CLIP1: variants seen among roughly 807,000 people sequenced by gnomAD.
CLIP1 encodes the protein CAP-Gly domain-containing linker protein 1.
A neutral mutation model predicts 161.6 loss-of-function variants in CLIP1; 66 were observed. The observed-to-expected ratio is 0.41, with a 90% CI of 0.33 to 0.50. The LOEUF is 0.50. CLIP1 is among the 20% of genes least tolerant of loss of function. The pLI, the probability that CLIP1 is intolerant of heterozygous loss-of-function variation, is 0.27. For synonymous variants in CLIP1, 598 were observed against 626.2 expected (o/e 0.96, Z 0.67); for missense variants, 1,376 against 1,702.0 (o/e 0.81, Z 3.37).
At chr12:122,342,189 G>A (rs140494724) in intron 10 of CLIP1, 1 of 152,278 alleles carries the variant, frequency 6.6e-6, no homozygotes, top group East Asian at 1.9e-4. Context: ...TGTGATAATG[G>A]CTTAAGTCCA....
Position 122,327,968 on chromosome 12 carries a change from T to C in CLIP1, c.3228A>G (p.Arg1076=), listed in dbSNP as rs1951772315. 6.2e-7 allele frequency: 1 copy of C among 1,614,024 alleles called. No homozygotes were observed. The highest frequency in any genetic ancestry group is 8.5e-7 in the Non-Finnish European group (1 of 1,180,032). ...GTACTTTGGCTTTGTCGGCTTGCTT[T>C]CTCAGCTCCTCCAGCTCCTGCAGCA... is the stretch of plus-strand genomic sequence containing the variant. ...SGLLQELEEL[R]KQADKAKAAQ... Residue 1076 remains arginine, a synonymous_variant, in exon 17 of 26, where the codon AGA becomes AGG. Transcript: ENST00000620786.
At chr12:122,379,207 C>G (rs1363200541) in intron 2 of CLIP1, among the ~76,000 whole-genome samples, 1 of 151,734 alleles carries the variant, frequency 6.6e-6, no homozygotes, top group African/African-American at 2.4e-5. Context: ...ACTCTGGAGG[C>G]TGAGGCAGGA....
At chr12:122,376,343 G>A (rs932954401) in intron 3 of CLIP1, among the ~76,000 whole-genome samples, 5 of 152,116 alleles carry the variant, frequency 3.3e-5, no homozygotes, top group Non-Finnish European at 5.9e-5. Flanking sequence ...GTAAGCCACC[G>A]TACCTAGCCA....
intron 3 of CLIP1, among the ~76,000 whole-genome samples, chr12:122,375,213 A>ACCTTACACC (rs1954658702): frequency 6.6e-6 from 1 of 151,958 alleles, no homozygotes; most frequent in Non-Finnish European, 1.5e-5. Flanking sequence ...GAGCATGTAG[A>ACCTTACACC]CCTTACACCT....
Position 122,279,018 on chromosome 12 carries a change from G to T in CLIP1, c.3765+10C>A. The T allele has an allele frequency of 6.2e-7, 1 of 1,610,420 alleles. No individual in the cohort carries two copies. On this transcript the variant is annotated intron_variant, in intron 22 of 25. Coordinates refer to ENST00000620786, the MANE Select transcript of CLIP1 (RefSeq NM_001247997.2). The surrounding 1 kb of genome is among the most constrained non-coding windows in gnomAD (Gnocchi z 4.5). ...GCGTGAAAGCTCGTGCACCCTGGGT[G>T]GTACTCTACCTCATTTCTCAGTTTC... is the stretch of plus-strand genomic sequence containing the variant.
intron 1 of CLIP1, among the ~76,000 whole-genome samples, chr12:122,415,870 G>A (rs978378416): frequency 2.6e-5 from 4 of 151,974 alleles, no homozygotes; most frequent in South Asian, 2.1e-4. Context: ...TAAAAAGGAC[G>A]GCTTTGTTAC....
chr12:122,339,150 G>C (rs760960888), intron 11 of CLIP1, among the ~76,000 whole-genome samples: 2 of 152,092 alleles, frequency 1.3e-5, no homozygotes, highest in African/African-American at 2.4e-5. Context: ...TGCAGCTGGC[G>C]AATGTTTCAC....
intron 20 of CLIP1, among the ~76,000 whole-genome samples, chr12:122,289,960 C>A (rs756437999): frequency 1.3e-5 from 2 of 152,126 alleles, no homozygotes; most frequent in African/African-American, 2.4e-5. Flanking sequence ...AGGTGCCTAC[C>A]ACCATGCCCA....
chr12:122,274,201 T>C, intron 24 of CLIP1, 39 bp from the exon 25 acceptor site: 1 of 1,537,018 alleles, frequency 6.5e-7, no homozygotes, highest in Non-Finnish European at 9.0e-7. Context: ...ATGTCAAGAA[T>C]ATATATAAGC....
chr12:122,389,030 T>C (rs955010916), intron 1 of CLIP1, among the ~76,000 whole-genome samples: 3 of 152,052 alleles, frequency 2.0e-5, no homozygotes, highest in African/African-American at 7.2e-5. Flanking sequence ...AGGCTGGGGG[T>C]CCCCTTTGCT....
intron 1 of CLIP1, among the ~76,000 whole-genome samples, chr12:122,410,829 G>A (rs1407673826): frequency 6.6e-6 from 1 of 151,998 alleles, no homozygotes; most frequent in Non-Finnish European, 1.5e-5. Context: ...CTATACAAAC[G>A]GCCAATAAGC....
rs116084424 is a variant in CLIP1, at chr12:122,404,042, G to A, written c.-107+18479C>T. ...GCATGCACTCCAAGGTAGAATACCC[G>A]GTAAGCGCATGAGTGAGCGGTCTAC... On this transcript the variant is annotated intron_variant, in intron 1 of 25. Transcript: ENST00000620786. Among the ~76,000 whole-genome samples the A allele has an allele frequency of 1.8e-3, 276 of 152,298 alleles. 1 individual carries two copies. The highest frequency in any genetic ancestry group is 6.3e-3 in the African/African-American group (263 of 41,564).
chr12:122,394,670 G>A (rs1955833007), intron 1 of CLIP1, among the ~76,000 whole-genome samples: 2 of 151,330 alleles, frequency 1.3e-5, no homozygotes, highest in African/African-American at 2.4e-5. Flanking sequence ...GACGGATCAC[G>A]AGATCAGGAG....
At chr12:122,354,385 ACT>A in intron 7 of CLIP1, 66 bp downstream of exon 7, 2 of 1,183,744 alleles carry the variant, frequency 1.7e-6, no homozygotes, top group Admixed American at 1.7e-5. Flanking sequence ...ACAGAGCTAG[ACT>A]CTGTCTCAAA....
Position 122,364,168 on chromosome 12 carries a change from G to A in CLIP1, c.658-61C>T. ...ATCACTCTATAGCTTAATCGTTTGT[G>A]GTCCCTACTAGTAACTAGGTACTAC... On this transcript the variant is annotated intron_variant, in intron 3 of 25. Transcript: ENST00000620786. 2.5e-6 allele frequency: 4 copies of A among 1,597,214 alleles called. No homozygotes were observed. In the South Asian group the frequency reaches 4.4e-5, roughly 18 times the overall value.
At chr12:122,358,267 C>G (rs1488872411) in intron 5 of CLIP1, among the ~76,000 whole-genome samples, 1 of 151,202 alleles carries the variant, frequency 6.6e-6, no homozygotes, top group African/African-American at 2.4e-5. Flanking sequence ...CATCACCACT[C>G]CCTAATCTCA....
chr12:122,276,486 C>T, intron 24 of CLIP1: 2 of 1,288,718 alleles, frequency 1.6e-6, no homozygotes, highest in Non-Finnish European at 1.0e-6. Context: ...ATGAAACAAA[C>T]CGAAGCAGAA....
At chr12:122,404,437 A>G (rs1408316965) in intron 1 of CLIP1, among the ~76,000 whole-genome samples, 3 of 152,014 alleles carry the variant, frequency 2.0e-5, no homozygotes, top group African/African-American at 7.2e-5. Flanking sequence ...TGTCTCTACT[A>G]AAAATATAAA....
intron 20 of CLIP1, among the ~76,000 whole-genome samples, chr12:122,293,838 TCTGTTGC>T (rs1029429047): frequency 1.2e-4 from 17 of 138,378 alleles, no homozygotes; most frequent in Non-Finnish European, 2.0e-4. Flanking sequence ...AGAGTCTTGC[TCTGTTGC>T]CCAGGCTGGA....
Sources: allele counts gnomAD v4.1 joint callset (sites outside exome capture counted in the v4.1 genomes callset), GRCh38; gene constraint gnomAD v4.1.1; non-coding constraint Gnocchi (gnomAD v3.1); transcripts MANE v1.5; gene names NCBI Gene and HGNC (gene_info 2026-07-23, HGNC 2026-07-21).